Variants in ANK2 observed in about 807,000 individuals in gnomAD.
ANK2 encodes the protein ankyrin-2.
A neutral mutation model predicts 360.5 loss-of-function variants in ANK2; 83 were observed. That is an observed-to-expected ratio of 0.23 (90% CI 0.19 to 0.28). The LOEUF is 0.28. ANK2 is among the 10% of genes least tolerant of loss of function. The pLI is 1.00. For synonymous variants in ANK2, 1,740 were observed against 1,759.5 expected (o/e 0.99, Z 0.28); for missense variants, 4,201 against 4,795.7 (o/e 0.88, Z 3.66).
chr4:112,853,709 A>G (rs1253764689), intron 1 of ANK2, among the ~76,000 whole-genome samples: 1 of 152,220 alleles, frequency 6.6e-6, no homozygotes, highest in African/African-American at 2.4e-5. Flanking sequence ...TTAGCTAAGT[A>G]TTATAAATTA....
intron 4 of ANK2, among the ~76,000 whole-genome samples, chr4:113,206,436 C>G (rs545187232): frequency 6.2e-4 from 95 of 152,308 alleles, no homozygotes; most frequent in African/African-American, 2.1e-3. Context: ...CTTTTTATGG[C>G]TGCATAGTAT....
chr4:112,861,867 G>GAA (rs34976844), intron 1 of ANK2, among the ~76,000 whole-genome samples: 3 of 151,568 alleles, frequency 2.0e-5, no homozygotes, highest in African/African-American at 7.3e-5. Flanking sequence ...GAGAGAGAGA[G>GAA]AAACTCTCAC....
upstream of ANK2, among the ~76,000 whole-genome samples, chr4:113,045,409 A>G (rs992411347): frequency 1.3e-5 from 2 of 152,184 alleles, no homozygotes; most frequent in East Asian, 3.9e-4. Context: ...GAAGCCAGCT[A>G]TGATTTAATA....
upstream of ANK2, among the ~76,000 whole-genome samples, chr4:113,047,916 G>A (rs1193581052): frequency 6.6e-6 from 1 of 151,990 alleles, no homozygotes; most frequent in Non-Finnish European, 1.5e-5. Flanking sequence ...GTGAATTTTT[G>A]TTGCTCTGTC....
intron 26 of ANK2, 119 bp from the exon 27 acceptor site, chr4:113,330,127 T>C (rs1352667688): frequency 1.1e-6 from 1 of 933,772 alleles, no homozygotes; most frequent in Non-Finnish European, 1.6e-6. Context: ...TTTACCACCA[T>C]GCATTTAAAT....
At chr4:112,770,269 G>A in the ANK2 span, among the ~76,000 whole-genome samples, 48,117 of 152,094 alleles carry the variant, frequency 0.32, 9,064 homozygotes, top group East Asian at 0.52. Flanking sequence ...CCACAACTCC[G>A]GAGATGTTTA....
In ANK2 at chr4:113,354,537, A is replaced by G. The variant is rs1356788396; in HGVS notation, c.5919A>G (p.Pro1973=). ...CTTCTGGCAAAACAGAAAAGCAACC[A>G]CCTGTATCCCCCACTTCAAAAACAG... ...VSPSGKTEKQ[P]PVSPTSKTER... The change falls in exon 38 of 46, where the codon CCA becomes CCG. Residue 1973 remains proline (P), a synonymous_variant. Coordinates refer to ENST00000357077, the MANE Select transcript of ANK2 (RefSeq NM_001148.6). 18 of 1,613,990 alleles carry G rather than the reference A, an allele frequency of 1.1e-5. No individual in the cohort carries two copies. The highest frequency in any genetic ancestry group is 2.7e-5 in the African/African-American group (2 of 74,992).
intron 38 of ANK2, among the ~76,000 whole-genome samples, 163 bp downstream of exon 38, chr4:113,359,462 TA>T (rs2096060013): frequency 6.6e-6 from 1 of 152,204 alleles, no homozygotes; most frequent in Admixed American, 6.6e-5. Flanking sequence ...GCTTTCTCTG[TA>T]TACTCTTGTC....
intron 1 of ANK2, among the ~76,000 whole-genome samples, chr4:112,847,640 G>T (rs1433241982): frequency 5.9e-5 from 9 of 152,060 alleles, no homozygotes; most frequent in Admixed American, 5.9e-4. Flanking sequence ...TTGCCACTGT[G>T]TATCTTCTTT....
intron 1 of ANK2, among the ~76,000 whole-genome samples, chr4:113,142,497 A>G (rs969401718): frequency 1.2e-4 from 19 of 152,110 alleles, no homozygotes; most frequent in African/African-American, 4.1e-4. Context: ...GGTAATTTAA[A>G]TCTGTTCAGC....
intron 2 of ANK2, among the ~76,000 whole-genome samples, chr4:112,938,888 T>C (rs904619961): frequency 6.6e-6 from 1 of 152,244 alleles, no homozygotes; most frequent in Non-Finnish European, 1.5e-5. Flanking sequence ...TTCTGTTGAC[T>C]ACTGTGTCTC....
At chr4:112,706,858 C>G in the ANK2 span, 1 of 152,178 alleles carries the variant, frequency 6.6e-6, no homozygotes, top group Non-Finnish European at 1.5e-5. Context: ...GAGGAATGCA[C>G]GTTTCTTTGA....
At chr4:112,883,834 A>AAT (rs888363881) in intron 1 of ANK2, among the ~76,000 whole-genome samples, 1 of 148,400 alleles carries the variant, frequency 6.7e-6, no homozygotes, top group Non-Finnish European at 1.5e-5. Context: ...TTACATTATA[A>AAT]ATATATATAA....
In ANK2 at chr4:113,318,498, C is replaced by A; in HGVS notation, c.2797-19C>A. ...TGAAGCAAAGTGTGTTTATTCAATC[C>A]AGTGTTCTTTGTGTTTAGGTGTCAA... On this transcript the variant is annotated intron_variant, in intron 25 of 45. Coordinates refer to ENST00000357077, the MANE Select transcript of ANK2 (RefSeq NM_001148.6). 6.3e-7 allele frequency: 1 copy of A among 1,587,624 alleles called. No homozygotes were observed. Among genetic ancestry groups the A allele is most frequent in the South Asian group, 1.1e-5 (1 of 89,850 alleles).
intron 1 of ANK2, among the ~76,000 whole-genome samples, chr4:113,120,889 C>T (rs976738): frequency 0.7 from 106,326 of 151,996 alleles, 37,547 homozygotes; most frequent in African/African-American, 0.76. Flanking sequence ...CACTTAAATT[C>T]AGGATCACCA....
chr4:113,381,080 G>A (rs1191363461), intron 45 of ANK2, among the ~76,000 whole-genome samples: 2 of 152,154 alleles, frequency 1.3e-5, no homozygotes, highest in African/African-American at 4.8e-5. Flanking sequence ...AAAGGTACTT[G>A]TGGTACTATT....
At chr4:113,107,352 G>A (rs2093754591) in intron 1 of ANK2, among the ~76,000 whole-genome samples, 1 of 152,126 alleles carries the variant, frequency 6.6e-6, no homozygotes, top group South Asian at 2.1e-4. Context: ...AAATAGCTGG[G>A]ATTACAGGCA....
At chr4:112,742,727 T>A in the ANK2 span, among the ~76,000 whole-genome samples, 1 of 151,922 alleles carries the variant, frequency 6.6e-6, no homozygotes, top group Admixed American at 6.6e-5. Flanking sequence ...ATTCCACATC[T>A]TCTTTTTTTT....
At chr4:112,818,299 T>G (rs2055892978) in intron 1 of ANK2, 1 of 152,154 alleles carries the variant, frequency 6.6e-6, no homozygotes, top group African/African-American at 2.4e-5. Flanking sequence ...TTCAGAGCAT[T>G]TTGGAAGCGG....
Sources: gnomAD v4.1 joint callset for allele counts (sites outside exome capture counted in the v4.1 genomes callset) on GRCh38, gnomAD v4.1.1 for gene constraint, MANE v1.5 for transcripts, NCBI Gene and HGNC (gene_info 2026-07-23, HGNC 2026-07-21) for gene names.